Variants in ITK observed in about 807,000 individuals in gnomAD.
ITK encodes the protein IL2 inducible T cell kinase, also known as tyrosine-protein kinase ITK/TSK.
A neutral mutation model predicts 87.6 loss-of-function variants in ITK; 45 were observed. The observed-to-expected ratio is 0.51, with a 90% CI of 0.40 to 0.66. The LOEUF is 0.66. ITK is among the 30% of genes least tolerant of loss of function. ITK has a pLI of 0.00. For missense variants in ITK, 605 were observed against 766.3 expected, an observed-to-expected ratio of 0.79 and a Z score of 2.48; for synonymous variants, 303 against 273.6, an observed-to-expected ratio of 1.11 and a Z score of -1.06.
chr5:157,189,111 A>T (rs926085527), intron 1 of ITK, among the ~76,000 whole-genome samples: 2 of 152,222 alleles, frequency 1.3e-5, no homozygotes, highest in East Asian at 3.8e-4. Context: ...AAAGGGCCCA[A>T]GCAAAGTACT....
chr5:157,248,063 G>A (rs1580911094), intron 15 of ITK, among the ~76,000 whole-genome samples: 1 of 152,224 alleles, frequency 6.6e-6, no homozygotes, highest in Non-Finnish European at 1.5e-5. Flanking sequence ...TTGGGCTAGG[G>A]CCCAGGAATC....
intron 5 of ITK, among the ~76,000 whole-genome samples, chr5:157,221,073 C>A (rs1166239067): frequency 6.6e-6 from 1 of 151,992 alleles, no homozygotes; most frequent in East Asian, 1.9e-4. Flanking sequence ...AATGTTCTAA[C>A]TGTAATATTT....
chr5:157,242,152 G>C (rs1031534368), intron 11 of ITK, among the ~76,000 whole-genome samples: 1 of 152,214 alleles, frequency 6.6e-6, no homozygotes, highest in Non-Finnish European at 1.5e-5. Flanking sequence ...CTCTGCATAA[G>C]AGAGTGTTAA....
In ITK at chr5:157,240,127, A is replaced by G. The variant is rs1754858535; in HGVS notation, c.917A>G (p.Tyr306Cys). The G allele has an allele frequency of 1.2e-6, 2 of 1,613,466 alleles. No homozygotes were observed. Among genetic ancestry groups the G allele is most frequent in the Non-Finnish European group, 1.7e-6 (2 of 1,179,358 alleles). The change falls in exon 10 of 17, where the codon TAT (tyrosine) becomes TGT (cysteine). Residue 306 changes from tyrosine to cysteine, a missense_variant. Around this residue, in one of 3 missense-constraint regions of ITK, gnomAD observed 464 missense variants for 578.0 expected, o/e 0.80. Transcript: ENST00000422843. ...ACAAATGACAATCCTAAGCGATACTATGTGGCTGAAAAGTATGTGTTCGAT... is the reference window on the plus strand; with the variant it reads ...ACAAATGACAATCCTAAGCGATACTGTGTGGCTGAAAAGTATGTGTTCGAT... ...KETNDNPKRY[Y>C]VAEKYVFDSI...
chr5:157,222,988 CTGG>C lies in ITK; in HGVS notation c.625_627del (p.Trp209del), dbSNP rs757871566. ...GCCTGCTGGACAGTTCTGAGATTCA[CTGG>C]TGGAGAGTCCAGGACAGGAATGGGT... On this transcript the variant is annotated inframe_deletion, in exon 6 of 17. Coordinates refer to ENST00000422843, the MANE Select transcript of ITK (RefSeq NM_005546.4). 12 of 1,613,950 alleles carry C rather than the reference CTGG, an allele frequency of 7.4e-6. No homozygotes were observed. The highest frequency in any genetic ancestry group is 1.3e-5 in the African/African-American group (1 of 74,880).
chr5:157,253,802 A>T lies in ITK; in HGVS notation c.*1124A>T, dbSNP rs1487237192. 4.6e-6 allele frequency: 1 copy of T among 219,314 alleles called. No individual in the cohort carries two copies. Among genetic ancestry groups the T allele is most frequent in the East Asian group, 6.7e-5 (1 of 14,976 alleles). 13.6% of individuals were successfully genotyped at this position (219,314 alleles called of 1,614,324 possible). ...GTCTGTTTTTGCTCAAACCATCAGGATGGAAACAGTCAGGCACTGACTGGG... is the reference window on the plus strand; with the variant it reads ...GTCTGTTTTTGCTCAAACCATCAGGTTGGAAACAGTCAGGCACTGACTGGG... On this transcript the variant is annotated 3_prime_UTR_variant, in exon 17 of 17. Coordinates refer to ENST00000422843, the MANE Select transcript of ITK (RefSeq NM_005546.4).
chr5:157,236,430 A>C (rs982782243), intron 8 of ITK, among the ~76,000 whole-genome samples: 1 of 152,094 alleles, frequency 6.6e-6, no homozygotes, highest in Non-Finnish European at 1.5e-5. Context: ...AACAAATAGC[A>C]TGGGCCACTG....
In ITK at chr5:157,233,684, C is replaced by T. The variant is rs79101970; in HGVS notation, c.768+1290C>T. On this transcript the variant is annotated intron_variant, in intron 8 of 16. Coordinates refer to ENST00000422843, the MANE Select transcript of ITK (RefSeq NM_005546.4). ...TGTGTTATTGGATAACAAAGTAGAA[C>T]TTGATTAATATGAACTAATTGAGTG... is the stretch of plus-strand genomic sequence containing the variant. Among the ~76,000 whole-genome samples, 1,101 of 152,128 alleles carry T rather than the reference C, an allele frequency of 7.2e-3. 9 individuals are homozygous for T. The highest frequency in any genetic ancestry group is 9.7e-3 in the Non-Finnish European group (662 of 67,988).
intron 3 of ITK, chr5:157,213,784 A>T: frequency 2.8e-6 from 1 of 351,320 alleles, no homozygotes; most frequent in Non-Finnish European, 5.5e-6. Flanking sequence ...GGAGAAAACC[A>T]AAGTGGCTGT....
At position 157,254,688 on chromosome 5, in the gene ITK, G is replaced by A. The variant is rs1755216100; in HGVS notation, c.*2010G>A. 2 of 217,966 alleles carry A rather than the reference G, an allele frequency of 9.2e-6. No individual in the cohort carries two copies. The highest frequency in any genetic ancestry group is 1.8e-5 in the Non-Finnish European group (2 of 108,762). 13.5% of individuals were successfully genotyped at this position (217,966 alleles called of 1,614,324 possible). A position where few individuals can be genotyped will look rare whatever the true frequency, so the allele number is the denominator to read the frequency against. On this transcript the variant is annotated 3_prime_UTR_variant, in exon 17 of 17. Coordinates refer to ENST00000422843, the MANE Select transcript of ITK (RefSeq NM_005546.4). Reference sequence around the variant, plus strand: ...ATCTCTGTTTACTTTTTAGAATTTTGTACATTATCTTTTGGGATCCTTAAT... The same window carrying A: ...ATCTCTGTTTACTTTTTAGAATTTTATACATTATCTTTTGGGATCCTTAAT...
intron 11 of ITK, among the ~76,000 whole-genome samples, chr5:157,242,470 G>A (rs909605701): frequency 1.3e-5 from 2 of 152,050 alleles, no homozygotes; most frequent in African/African-American, 4.8e-5. Flanking sequence ...TCCTTGATAG[G>A]GTCCTGGAGT....
At chr5:157,245,223 TAAA>T (rs139283977) in intron 13 of ITK, 44,336 of 161,076 alleles carry the variant, frequency 0.28, 5,120 homozygotes, top group Admixed American at 0.31. Flanking sequence ...AGACTCCATC[TAAA>T]AAAAAAAAAA....
chr5:157,247,252 T>A (rs2113776698), intron 15 of ITK, among the ~76,000 whole-genome samples: 1 of 152,364 alleles, frequency 6.6e-6, no homozygotes, highest in Middle Eastern at 3.4e-3. Flanking sequence ...GAGTCCTACC[T>A]ATTTCTTAAA....
At chr5:157,227,793 G>C (rs1272472842) in intron 6 of ITK, among the ~76,000 whole-genome samples, 1 of 143,408 alleles carries the variant, frequency 7.0e-6, no homozygotes, top group Non-Finnish European at 1.5e-5. Flanking sequence ...GCCTTTAACA[G>C]ACAAGTTGCT....
At chr5:157,247,349 C>T (rs1755039906) in intron 15 of ITK, among the ~76,000 whole-genome samples, 1 of 152,186 alleles carries the variant, frequency 6.6e-6, no homozygotes, top group South Asian at 2.1e-4. Flanking sequence ...GTACTAACAG[C>T]ATTTTTGGAT....
rs182679871 is a variant in ITK, at chr5:157,181,631, C to T, written c.138+516C>T. On this transcript the variant is annotated intron_variant, in intron 1 of 16. Transcript: ENST00000422843. ...GAATAACTCTGTTTGTCTCAATACTCGTCGCTAGCCTGATCTTGAAATAAG... is the reference window on the plus strand; with the variant it reads ...GAATAACTCTGTTTGTCTCAATACTTGTCGCTAGCCTGATCTTGAAATAAG... Among the ~76,000 whole-genome samples the T allele has an allele frequency of 9.2e-5, 14 of 152,264 alleles. No homozygotes were observed. The East Asian group carries it at 2.3e-3, about 25-fold the overall frequency.
chr5:157,246,022 C>A (rs970383966), intron 15 of ITK, 23 bp downstream of exon 15: 6 of 1,504,852 alleles, frequency 4.0e-6, no homozygotes, highest in Non-Finnish European at 5.6e-6. Flanking sequence ...CTGGGCCCCA[C>A]TGCCCCATGA....
intron 2 of ITK, 146 bp from the exon 3 acceptor site, chr5:157,211,141 A>G: frequency 2.8e-6 from 2 of 709,616 alleles, no homozygotes; most frequent in Non-Finnish European, 5.1e-6. Flanking sequence ...CACCTGGATA[A>G]AAAGGATACT....
At chr5:157,185,752 G>A (rs1753629752) in intron 1 of ITK, among the ~76,000 whole-genome samples, 1 of 152,142 alleles carries the variant, frequency 6.6e-6, no homozygotes, top group South Asian at 2.1e-4. Context: ...GGTGAGGTGG[G>A]AGGATCCCTT....
Sources: gnomAD v4.1 joint callset for allele counts (sites outside exome capture counted in the v4.1 genomes callset) on GRCh38, gnomAD v4.1.1 for gene constraint, gnomAD v4.1.1 regional missense constraint, MANE v1.5 for transcripts, NCBI Gene and HGNC (gene_info 2026-07-23, HGNC 2026-07-21) for gene names.